RANBP9: variants seen among roughly 807,000 people sequenced by gnomAD.
The protein encoded by RANBP9 is RAN binding protein 9.
In RANBP9, 15 loss-of-function variants were observed where a neutral mutation model predicts 84.3. The observed-to-expected ratio is 0.18, with a 90% CI of 0.12 to 0.27. RANBP9 has a LOEUF of 0.27. RANBP9 is among the 10% of genes least tolerant of loss of function. RANBP9 has a pLI of 1.00. For missense variants in RANBP9, 809 were observed against 912.8 expected (o/e 0.89, Z 1.46); for synonymous variants, 392 against 349.6 (o/e 1.12, Z -1.35).
intron 11 of RANBP9, among the ~76,000 whole-genome samples, chr6:13,633,813 A>G (rs1194791189): frequency 6.6e-6 from 1 of 152,240 alleles, no homozygotes; most frequent in Non-Finnish European, 1.5e-5. Flanking sequence ...GTAATCCAAC[A>G]AATAAATTTT....
intron 2 of RANBP9, among the ~76,000 whole-genome samples, chr6:13,693,213 T>C (rs1301582211): frequency 6.6e-6 from 1 of 152,140 alleles, no homozygotes; most frequent in Non-Finnish European, 1.5e-5. Flanking sequence ...AGGAAGGGCA[T>C]GCATAAGGAA....
At chr6:13,651,419 G>C (rs1014939084) in intron 5 of RANBP9, among the ~76,000 whole-genome samples, 3 of 150,852 alleles carry the variant, frequency 2.0e-5, no homozygotes, top group African/African-American at 7.3e-5. Context: ...TTTTGAGACA[G>C]AGGCTTGCTC....
At chr6:13,656,056 C>T (rs1272178541) in intron 4 of RANBP9, among the ~76,000 whole-genome samples, 2 of 151,958 alleles carry the variant, frequency 1.3e-5, no homozygotes, top group Admixed American at 6.6e-5. Flanking sequence ...AAATGCTAAG[C>T]TGAATATGAA....
At chr6:13,674,516 A>C (rs908255734) in intron 2 of RANBP9, among the ~76,000 whole-genome samples, 1 of 152,234 alleles carries the variant, frequency 6.6e-6, no homozygotes, top group Non-Finnish European at 1.5e-5. Context: ...ACTGGAGGCT[A>C]TATGTGCAAA....
intron 1 of RANBP9, among the ~76,000 whole-genome samples, chr6:13,707,957 CA>C (rs1286558278): frequency 6.6e-6 from 1 of 152,304 alleles, no homozygotes. Context: ...GACTGCTAAG[CA>C]AAAGGCCTTT....
chr6:13,635,470 A>T (rs1386341957), intron 10 of RANBP9, among the ~76,000 whole-genome samples: 1 of 151,988 alleles, frequency 6.6e-6, no homozygotes. Flanking sequence ...GACATTTCTC[A>T]TTACAAAAGC....
intron 1 of RANBP9, among the ~76,000 whole-genome samples, chr6:13,704,034 T>C (rs573196744): frequency 6.6e-6 from 1 of 152,340 alleles, no homozygotes; most frequent in South Asian, 2.1e-4. Context: ...TTTTCTTTGA[T>C]TTCTCTCACT....
intron 12 of RANBP9, among the ~76,000 whole-genome samples, chr6:13,631,572 C>T (rs781454501): frequency 6.6e-6 from 1 of 152,156 alleles, no homozygotes; most frequent in Non-Finnish European, 1.5e-5. Context: ...GAAGAAACAG[C>T]GGCAGGAATC....
chr6:13,685,811 C>T (rs1246360297), intron 2 of RANBP9, among the ~76,000 whole-genome samples: 1 of 151,432 alleles, frequency 6.6e-6, no homozygotes, highest in East Asian at 2.0e-4. Context: ...GCCTGTAGTC[C>T]CAGCTAATGG....
intron 2 of RANBP9, among the ~76,000 whole-genome samples, chr6:13,668,511 T>G (rs1765703074): frequency 6.6e-6 from 1 of 152,000 alleles, no homozygotes; most frequent in African/African-American, 2.4e-5. Context: ...ATAAAAAAGA[T>G]TATAAATCAT....
At chr6:13,650,436 C>G (rs1196011356) in intron 5 of RANBP9, among the ~76,000 whole-genome samples, 1 of 152,144 alleles carries the variant, frequency 6.6e-6, no homozygotes, top group Non-Finnish European at 1.5e-5. Context: ...CTTCCATCAT[C>G]TCTTTCAAAA....
intron 4 of RANBP9, among the ~76,000 whole-genome samples, chr6:13,656,030 C>T (rs140304232): frequency 6.6e-6 from 1 of 152,202 alleles, no homozygotes; most frequent in East Asian, 1.9e-4. Flanking sequence ...AATTAAAAAT[C>T]AGTAATCAGA....
rs752583813 is a variant in RANBP9 at position 13,625,622 on chromosome 6, CTG to C, written c.2059+29_2059+30del. 73 of 1,484,748 alleles carry C rather than the reference CTG, an allele frequency of 4.9e-5. No individual in the cohort carries two copies. The East Asian group carries it at 1.6e-3, about 33-fold the overall frequency. The allele number at this position is 1,484,748 out of a possible 1,614,324, so 92.0% of individuals were successfully genotyped here. On this transcript the variant is annotated intron_variant, in intron 13 of 13. Coordinates refer to ENST00000011619, the MANE Select transcript of RANBP9 (RefSeq NM_005493.3). The stretch of plus-strand genomic sequence containing the variant: ...TCTCTTAAATTTTCAGAGAATCTAA[CTG>C]AAATTGTGCCTTATTTGGCTTTACT...
At chr6:13,632,063 A>G (rs1260130017) in intron 12 of RANBP9, among the ~76,000 whole-genome samples, 1 of 149,412 alleles carries the variant, frequency 6.7e-6, no homozygotes, top group Non-Finnish European at 1.5e-5. Context: ...AAAACTAAGA[A>G]ACTAAGTTAA....
At chr6:13,709,595 G>C (rs575750618) in intron 1 of RANBP9, among the ~76,000 whole-genome samples, 3 of 152,310 alleles carry the variant, frequency 2.0e-5, no homozygotes, top group Admixed American at 2.0e-4. Flanking sequence ...ACAAAGATTT[G>C]ATATTGTGAA....
intron 5 of RANBP9, among the ~76,000 whole-genome samples, chr6:13,647,056 C>A (rs993825421): frequency 6.6e-6 from 1 of 152,108 alleles, no homozygotes; most frequent in Non-Finnish European, 1.5e-5. Context: ...GGGGAAATAA[C>A]CCTTTCATCT....
At chr6:13,659,352 A>G (rs533520171) in intron 2 of RANBP9, among the ~76,000 whole-genome samples, 1 of 152,088 alleles carries the variant, frequency 6.6e-6, no homozygotes, top group South Asian at 2.1e-4. Context: ...ATATCTTAAT[A>G]AAATTACCCC....
intron 10 of RANBP9, among the ~76,000 whole-genome samples, chr6:13,636,275 T>C (rs946527647): frequency 6.6e-6 from 1 of 152,240 alleles, no homozygotes; most frequent in South Asian, 2.1e-4. Context: ...CATTTACTTT[T>C]CTGATATCCC....
chr6:13,696,066 T>C (rs1584947543), intron 2 of RANBP9, among the ~76,000 whole-genome samples: 1 of 151,342 alleles, frequency 6.6e-6, no homozygotes, highest in South Asian at 2.1e-4. Context: ...TTCTAGGTAA[T>C]TAGTGCTTAA....
Sources: gnomAD v4.1 joint callset for allele counts (sites outside exome capture counted in the v4.1 genomes callset) on GRCh38, gnomAD v4.1.1 for gene constraint, MANE v1.5 for transcripts, NCBI Gene and HGNC (gene_info 2026-07-23, HGNC 2026-07-21) for gene names.